The following FOXP1 variants were observed in gnomAD, a reference collection of about 807,000 sequenced individuals.
FOXP1 encodes forkhead box P1.
A neutral mutation model predicts 98.2 loss-of-function variants in FOXP1; 15 were observed. That is an observed-to-expected ratio of 0.15 (90% confidence interval 0.10 to 0.24). FOXP1 has a LOEUF of 0.24. Among genes scored for constraint, FOXP1 ranks in the 10% least tolerant of loss-of-function variants. The pLI, the probability that FOXP1 is intolerant of heterozygous loss-of-function variation, is 1.00. For missense variants in FOXP1, 633 were observed against 848.5 expected (o/e 0.75, Z 3.15); for synonymous variants, 371 against 314.5 (o/e 1.18, Z -1.90).
intron 4 of FOXP1, among the ~76,000 whole-genome samples, chr3:71,323,031 C>T (rs541202818): frequency 1.3e-4 from 20 of 149,318 alleles, no homozygotes; most frequent in East Asian, 7.9e-4. Context: ...AGTGCAGTGG[C>T]GTTATCTTGG....
intron 11 of FOXP1, among the ~76,000 whole-genome samples, chr3:71,031,608 G>C (rs6549371): frequency 0.25 from 38,401 of 152,108 alleles, 11,522 homozygotes; most frequent in African/African-American, 0.72. Flanking sequence ...AGATTTCTGA[G>C]GCGGATAATG....
intron 6 of FOXP1, among the ~76,000 whole-genome samples, chr3:71,183,035 CCTT>C (rs755846188): frequency 4.6e-5 from 7 of 152,000 alleles, no homozygotes; most frequent in Non-Finnish European, 8.8e-5. Context: ...CATTTTTTAA[CCTT>C]CTTCTAAGGT....
chr3:71,185,914 A>G (rs2062617732), intron 6 of FOXP1, among the ~76,000 whole-genome samples: 1 of 152,210 alleles, frequency 6.6e-6, no homozygotes, highest in South Asian at 2.1e-4. Flanking sequence ...CAACATAGAC[A>G]CAGATTCATC....
chr3:71,002,413 T>C (rs141881264), intron 12 of FOXP1, among the ~76,000 whole-genome samples: 1 of 152,186 alleles, frequency 6.6e-6, no homozygotes, highest in East Asian at 1.9e-4. Flanking sequence ...CCTCCAATCT[T>C]AGGCCAGAAT....
chr3:71,189,224 T>C (rs558401897), intron 6 of FOXP1, among the ~76,000 whole-genome samples: 1 of 121,096 alleles, frequency 8.3e-6, no homozygotes, highest in East Asian at 2.4e-4. Context: ...ACAAAGTCAT[T>C]ATAAGAAGCT....
At chr3:71,199,182 A>C (rs1458363412) in intron 5 of FOXP1, among the ~76,000 whole-genome samples, 2 of 146,998 alleles carry the variant, frequency 1.4e-5, no homozygotes, top group Non-Finnish European at 3.0e-5. Context: ...ATCTCTGCTC[A>C]CTGCCTCCGC....
At chr3:71,447,286 C>T (rs2086537351) in intron 3 of FOXP1, among the ~76,000 whole-genome samples, 1 of 152,228 alleles carries the variant, frequency 6.6e-6, no homozygotes, top group Non-Finnish European at 1.5e-5. Context: ...TGTTTCCAGG[C>T]CCCTCTGCCT....
intron 3 of FOXP1, among the ~76,000 whole-genome samples, chr3:71,461,844 G>GT (rs1243244016): frequency 6.6e-6 from 1 of 151,636 alleles, no homozygotes; most frequent in African/African-American, 2.4e-5. Context: ...TGCTTACAGG[G>GT]ACCACAGGTC....
intron 5 of FOXP1, among the ~76,000 whole-genome samples, chr3:71,266,204 T>C (rs551910256): frequency 1.3e-5 from 2 of 152,216 alleles, no homozygotes; most frequent in Admixed American, 1.3e-4. Context: ...AGGACTCACA[T>C]CCACAAAGGG....
intron 6 of FOXP1, among the ~76,000 whole-genome samples, chr3:71,158,369 T>C (rs933706789): frequency 4.8e-5 from 7 of 146,274 alleles, no homozygotes; most frequent in Admixed American, 4.7e-4. Flanking sequence ...CCAGGGAATG[T>C]TACCCACTTA....
intron 3 of FOXP1, among the ~76,000 whole-genome samples, chr3:71,474,725 T>C (rs537906785): frequency 2.0e-5 from 3 of 152,204 alleles, no homozygotes; most frequent in African/African-American, 7.2e-5. Flanking sequence ...GATGGGACCA[T>C]CTAGTTGCAG....
intron 3 of FOXP1, among the ~76,000 whole-genome samples, chr3:71,459,479 G>C (rs1438558635): frequency 6.6e-6 from 1 of 152,306 alleles, no homozygotes; most frequent in East Asian, 1.9e-4. Context: ...ACAGATGATG[G>C]AGTCTCTCTA....
intron 3 of FOXP1, among the ~76,000 whole-genome samples, chr3:71,440,611 A>C (rs1174899879): frequency 6.6e-6 from 1 of 151,676 alleles, no homozygotes; most frequent in Non-Finnish European, 1.5e-5. Flanking sequence ...CAGAAGAATC[A>C]CTTGAACCCG....
intron 4 of FOXP1, among the ~76,000 whole-genome samples, chr3:71,358,045 A>G (rs2078285984): frequency 6.6e-6 from 1 of 152,046 alleles, no homozygotes; most frequent in East Asian, 1.9e-4. Flanking sequence ...CTTCTTAATT[A>G]GTATTGCTAG....
At chr3:71,120,599 G>C (rs2058690176) in intron 6 of FOXP1, among the ~76,000 whole-genome samples, 1 of 152,208 alleles carries the variant, frequency 6.6e-6, no homozygotes, top group Non-Finnish European at 1.5e-5. Flanking sequence ...AGTGGAAAGG[G>C]ACAAGAAATA....
intron 3 of FOXP1, among the ~76,000 whole-genome samples, chr3:71,411,523 C>T (rs1308037533): frequency 6.6e-6 from 1 of 152,100 alleles, no homozygotes; most frequent in Non-Finnish European, 1.5e-5. Flanking sequence ...AGGGTTTCAC[C>T]GTGTTAGCCA....
chr3:71,041,297 T>G, intron 11 of FOXP1, 31 bp downstream of exon 11: 2 of 1,595,984 alleles, frequency 1.3e-6, no homozygotes, highest in Non-Finnish European at 1.7e-6. Flanking sequence ...TTAAAGGCAG[T>G]TTTGGACCCA....
intron 5 of FOXP1, among the ~76,000 whole-genome samples, chr3:71,212,546 C>T (rs573488071): frequency 6.6e-6 from 1 of 152,286 alleles, no homozygotes; most frequent in African/African-American, 2.4e-5. Context: ...ATGAGCCTCC[C>T]ATCCAGGCCT....
chr3:71,092,522 G>A (rs1158964580), intron 7 of FOXP1, among the ~76,000 whole-genome samples: 1 of 152,186 alleles, frequency 6.6e-6, no homozygotes, highest in African/African-American at 2.4e-5. Context: ...GACAGGAGGA[G>A]GCTGGTCTGT....
Sources: allele counts gnomAD v4.1 joint callset (sites outside exome capture counted in the v4.1 genomes callset), GRCh38; gene constraint gnomAD v4.1.1; transcripts MANE v1.5; gene names NCBI Gene and HGNC (gene_info 2026-07-23, HGNC 2026-07-21).